SAXO1: variants seen among roughly 807,000 people sequenced by gnomAD.
SAXO1 encodes 4930500O09Rik.
Under a neutral mutation model 17.5 loss-of-function variants are expected in SAXO1, and 21 were observed. That is an observed-to-expected ratio of 1.20 (90% confidence interval 0.85 to 1.72). The LOEUF is 1.72. SAXO1 is among the 40% of genes most tolerant of loss of function. The pLI is 0.00. For synonymous variants in SAXO1, 274 were observed against 216.5 expected (o/e 1.27, Z -2.33); for missense variants, 843 against 596.0 (o/e 1.41, Z -4.32).
intron 1 of SAXO1, among the ~76,000 whole-genome samples, chr9:18,978,719 C>T (rs1323788838): frequency 6.6e-6 from 1 of 152,166 alleles, no homozygotes; most frequent in Non-Finnish European, 1.5e-5. Context: ...TCCATCATCC[C>T]CAATTTGCAA....
intron 1 of SAXO1, among the ~76,000 whole-genome samples, chr9:18,952,069 T>G (rs1442037251): frequency 6.6e-6 from 1 of 152,220 alleles, no homozygotes; most frequent in East Asian, 1.9e-4. Flanking sequence ...GAAACTTACT[T>G]ATTTACTTAC....
At chr9:19,025,203 G>A (rs1171425639) in intron 1 of SAXO1, among the ~76,000 whole-genome samples, 2 of 151,450 alleles carry the variant, frequency 1.3e-5, no homozygotes, top group African/African-American at 4.9e-5. Context: ...TTTTTTTCTT[G>A]GCATCTCTAT....
At chr9:18,999,771 C>A (rs1462111537) in intron 1 of SAXO1, among the ~76,000 whole-genome samples, 4 of 146,570 alleles carry the variant, frequency 2.7e-5, no homozygotes, top group Non-Finnish European at 4.5e-5. Flanking sequence ...TGCCCGGCCG[C>A]CACACCATCT....
At chr9:19,037,470 G>A (rs111967440), upstream of SAXO1, among the ~76,000 whole-genome samples, 1 of 152,296 alleles carries the variant, frequency 6.6e-6, no homozygotes, top group African/African-American at 2.4e-5. Flanking sequence ...CATGACAGCA[G>A]ATTACCCCAT....
intron 1 of SAXO1, among the ~76,000 whole-genome samples, chr9:19,017,560 T>C (rs1835032915): frequency 6.6e-6 from 1 of 152,238 alleles, no homozygotes; most frequent in Admixed American, 6.5e-5. Flanking sequence ...TGATTTGGGC[T>C]GTGGCTCTGG....
intron 1 of SAXO1, among the ~76,000 whole-genome samples, chr9:18,964,954 T>C (rs910131190): frequency 2.0e-5 from 3 of 152,238 alleles, no homozygotes; most frequent in African/African-American, 7.2e-5. Context: ...TGGTGCATTG[T>C]CTCTTTGTTC....
At chr9:19,000,421 G>A (rs936687240) in intron 1 of SAXO1, among the ~76,000 whole-genome samples, 1 of 151,944 alleles carries the variant, frequency 6.6e-6, no homozygotes, top group Non-Finnish European at 1.5e-5. Context: ...CCCACAGTCT[G>A]GGAAGTGAGG....
At chr9:18,986,159 TAAAA>T (rs1203639128) in intron 1 of SAXO1, among the ~76,000 whole-genome samples, 1 of 152,188 alleles carries the variant, frequency 6.6e-6, no homozygotes, top group Non-Finnish European at 1.5e-5. Flanking sequence ...ACACAGATTT[TAAAA>T]AAAGCAATTC....
At chr9:19,032,823 C>G (rs1324189949) in intron 1 of SAXO1, 48 bp downstream of exon 1, 31 of 1,600,090 alleles carry the variant, frequency 1.9e-5, no homozygotes, top group Non-Finnish European at 2.6e-5. Context: ...CCTCGGGAGT[C>G]TGAAAACCCA....
chr9:18,990,442 A>G (rs1833770050), intron 1 of SAXO1, among the ~76,000 whole-genome samples: 1 of 152,198 alleles, frequency 6.6e-6, no homozygotes, highest in Non-Finnish European at 1.5e-5. Context: ...ACCGTGGCTT[A>G]TGCCTATAAT....
chr9:19,002,004 C>T (rs1035231503), intron 1 of SAXO1, among the ~76,000 whole-genome samples: 1 of 151,976 alleles, frequency 6.6e-6, no homozygotes, highest in African/African-American at 2.4e-5. Context: ...ACTAGCCAGA[C>T]TAATAAAGAA....
At chr9:19,021,633 G>T (rs986845331) in intron 1 of SAXO1, among the ~76,000 whole-genome samples, 3 of 152,226 alleles carry the variant, frequency 2.0e-5, no homozygotes, top group Non-Finnish European at 4.4e-5. Flanking sequence ...CACAAAGCTT[G>T]TAAGTAATTA....
At chr9:19,020,914 C>T (rs1471620516) in intron 1 of SAXO1, among the ~76,000 whole-genome samples, 3 of 152,310 alleles carry the variant, frequency 2.0e-5, no homozygotes, top group Admixed American at 1.3e-4. Context: ...TGTTCAATGA[C>T]CTGGGAATCC....
intron 1 of SAXO1, among the ~76,000 whole-genome samples, chr9:18,992,127 A>C (rs1244994587): frequency 6.6e-6 from 1 of 152,230 alleles, no homozygotes; most frequent in Non-Finnish European, 1.5e-5. Flanking sequence ...GAAAAGATTT[A>C]TAAAGTTGCC....
At chr9:19,001,833 G>C (rs1253200167) in intron 1 of SAXO1, among the ~76,000 whole-genome samples, 2 of 152,060 alleles carry the variant, frequency 1.3e-5, no homozygotes, top group Non-Finnish European at 2.9e-5. Context: ...ACAATTAAAA[G>C]AACTAGGGAA....
At chr9:18,932,582 G>T (rs544812259) in intron 3 of SAXO1, among the ~76,000 whole-genome samples, 2 of 152,308 alleles carry the variant, frequency 1.3e-5, no homozygotes, top group South Asian at 4.2e-4. Context: ...GGAGCCTTCT[G>T]AGATTTTGAT....
intron 2 of SAXO1, among the ~76,000 whole-genome samples, chr9:18,942,124 C>T (rs1371911266): frequency 1.4e-5 from 2 of 143,800 alleles, no homozygotes; most frequent in African/African-American, 5.7e-5. Context: ...TTTTCTTTCC[C>T]CTTGGTCCAG....
intron 1 of SAXO1, among the ~76,000 whole-genome samples, chr9:19,004,106 T>G (rs147530017): frequency 0.017 from 2,635 of 152,224 alleles, 77 homozygotes; most frequent in African/African-American, 0.061. Flanking sequence ...AAGAAGATAT[T>G]TATGCAGCCA....
chr9:19,018,139 G>C (rs1183299116), intron 1 of SAXO1, among the ~76,000 whole-genome samples: 1 of 151,266 alleles, frequency 6.6e-6, no homozygotes, highest in Non-Finnish European at 1.5e-5. Context: ...CTGCACTCTA[G>C]CTGGGGCAAC....
Sources: gnomAD v4.1 joint callset for allele counts (sites outside exome capture counted in the v4.1 genomes callset) on GRCh38, gnomAD v4.1.1 for gene constraint, MANE v1.5 for transcripts, NCBI Gene and HGNC (gene_info 2026-07-23, HGNC 2026-07-21) for gene names.